The following TMEM232 variants were observed in gnomAD, a reference collection of about 807,000 sequenced individuals.
The protein encoded by TMEM232 is transmembrane protein 232.
A neutral mutation model predicts 78.8 loss-of-function variants in TMEM232; 80 were observed. The observed-to-expected ratio is 1.01, with a 90% CI of 0.85 to 1.22. The LOEUF (loss-of-function observed/expected upper bound fraction) is 1.22, where lower values mean the gene tolerates loss of function less well. TMEM232 is among the 50% of genes most tolerant of loss of function. The probability of loss-of-function intolerance (pLI) is 0.00; values close to 1 mark genes in which losing one functional copy is unlikely to be tolerated. For synonymous variants in TMEM232, 297 were observed against 254.3 expected, an observed-to-expected ratio of 1.17 and a Z score of -1.60; for missense variants, 881 against 742.2, an observed-to-expected ratio of 1.19 and a Z score of -2.17.
chr5:110,705,521 T>C (rs1288559788), intron 1 of TMEM232, among the ~76,000 whole-genome samples: 2 of 151,996 alleles, frequency 1.3e-5, no homozygotes, highest in Non-Finnish European at 1.5e-5. Context: ...GGAAAAGGCA[T>C]GTGTCCAAAC....
chr5:110,575,975 T>C (rs1189822941), intron 10 of TMEM232, among the ~76,000 whole-genome samples: 1 of 151,908 alleles, frequency 6.6e-6, no homozygotes, highest in East Asian at 1.9e-4. Flanking sequence ...GGAGGTTAGG[T>C]CCCTGTACAT....
intron 11 of TMEM232, among the ~76,000 whole-genome samples, chr5:110,537,502 C>T (rs961057781): frequency 1.3e-5 from 2 of 152,102 alleles, no homozygotes; most frequent in East Asian, 1.9e-4. Context: ...AACCAGCCCC[C>T]CAAGGGAAAG....
chr5:110,498,971 A>C (rs1765915039), intron 12 of TMEM232, among the ~76,000 whole-genome samples: 1 of 152,192 alleles, frequency 6.6e-6, no homozygotes, highest in South Asian at 2.1e-4. Context: ...ATGTTCTTAC[A>C]TATGATATGA....
intron 10 of TMEM232, among the ~76,000 whole-genome samples, chr5:110,584,258 T>C (rs551295756): frequency 6.6e-6 from 1 of 151,890 alleles, no homozygotes; most frequent in African/African-American, 2.4e-5. Context: ...TAAATGTCTG[T>C]TGACAGATGA....
At chr5:110,505,459 C>T (rs983161306) in intron 12 of TMEM232, among the ~76,000 whole-genome samples, 5 of 152,126 alleles carry the variant, frequency 3.3e-5, no homozygotes, top group Non-Finnish European at 1.5e-5. Context: ...GAAGAAAAAT[C>T]GTTCTAAAGT....
At chr5:110,438,719 G>A (rs995447250) in intron 12 of TMEM232, among the ~76,000 whole-genome samples, 3 of 152,144 alleles carry the variant, frequency 2.0e-5, no homozygotes, top group Middle Eastern at 3.4e-3. Flanking sequence ...TATGTCGTCA[G>A]TTCCTCCCCT....
At chr5:110,710,865 T>C (rs1482270920) in intron 1 of TMEM232, among the ~76,000 whole-genome samples, 2 of 152,156 alleles carry the variant, frequency 1.3e-5, no homozygotes, top group South Asian at 4.1e-4. Flanking sequence ...ATGACAAGGA[T>C]GCCCACTTTC....
chr5:110,693,544 T>C (rs1009695067), intron 1 of TMEM232, among the ~76,000 whole-genome samples: 1 of 152,058 alleles, frequency 6.6e-6, no homozygotes, highest in Non-Finnish European at 1.5e-5. Context: ...GCAAAGAAGT[T>C]AAAAACCCTG....
chr5:110,553,165 A>C (rs1166974030), intron 11 of TMEM232, among the ~76,000 whole-genome samples: 1 of 152,138 alleles, frequency 6.6e-6, no homozygotes, highest in African/African-American at 2.4e-5. Context: ...GTAGTTGGGT[A>C]GTGTAATCCC....
rs140299843 is a variant in TMEM232 at position 110,699,403 on chromosome 5, T to A, written c.-13+27224A>T. On this transcript the variant is annotated intron_variant, in intron 1 of 13. Coordinates refer to ENST00000455884, the MANE Select transcript of TMEM232 (RefSeq NM_001039763.4). The stretch of plus-strand genomic sequence containing the variant: ...CTGGATTTATGACTAAAAATTATAA[T>A]GCTTCTTGTAAATTTTTGACTCATT... Among the ~76,000 whole-genome samples, 465 of 152,206 alleles carry A rather than the reference T, an allele frequency of 3.1e-3. 3 individuals are homozygous for A. Among genetic ancestry groups the A allele is most frequent in the African/African-American group, 0.011 (450 of 41,554 alleles).
At chr5:110,501,700 T>C (rs1351767542) in intron 12 of TMEM232, among the ~76,000 whole-genome samples, 1 of 151,548 alleles carries the variant, frequency 6.6e-6, no homozygotes, top group Non-Finnish European at 1.5e-5. Flanking sequence ...GTTGGGTTAA[T>C]AGCTTTTGGG....
At chr5:110,508,802 A>C (rs1419245924) in intron 12 of TMEM232, among the ~76,000 whole-genome samples, 1 of 148,184 alleles carries the variant, frequency 6.7e-6, no homozygotes, top group Non-Finnish European at 1.5e-5. Context: ...TTATTGGATA[A>C]ACTGATTGAG....
chr5:110,478,897 ATTTT>A (rs746104997), intron 12 of TMEM232, among the ~76,000 whole-genome samples: 9,880 of 111,724 alleles, frequency 0.088, 331 homozygotes, highest in South Asian at 0.21. Context: ...GGAGAAATTG[ATTTT>A]TTTTTTTTTT....
chr5:110,625,107 T>C (rs1240502934), intron 7 of TMEM232, among the ~76,000 whole-genome samples, 160 bp downstream of exon 7: 1 of 152,014 alleles, frequency 6.6e-6, no homozygotes, highest in Non-Finnish European at 1.5e-5. Context: ...ACTGTGCATA[T>C]GGTTGCATGA....
chr5:110,722,554 C>T (rs1797752269), intron 1 of TMEM232, among the ~76,000 whole-genome samples: 1 of 152,194 alleles, frequency 6.6e-6, no homozygotes, highest in African/African-American at 2.4e-5. Context: ...CTCAGAGCTT[C>T]CTGTGTGCTC....
intron 11 of TMEM232, among the ~76,000 whole-genome samples, chr5:110,552,003 T>C (rs1018252086): frequency 1.3e-5 from 2 of 152,034 alleles, no homozygotes; most frequent in African/African-American, 2.4e-5. Context: ...GTTCATCACA[T>C]AGAAGGAAAT....
At chr5:110,711,675 AC>A (rs1303960802) in intron 1 of TMEM232, among the ~76,000 whole-genome samples, 3 of 152,222 alleles carry the variant, frequency 2.0e-5, no homozygotes, top group Non-Finnish European at 4.4e-5. Flanking sequence ...CCAAGAATAT[AC>A]ACTGGGTAAA....
chr5:110,530,928 G>A (rs538115337), intron 11 of TMEM232, among the ~76,000 whole-genome samples: 158 of 152,254 alleles, frequency 1.0e-3, no homozygotes, highest in South Asian at 1.9e-3. Flanking sequence ...ATTTCACAAT[G>A]TATGTATTGT....
rs1435412617 is a variant in TMEM232, at chr5:110,559,004, AT to A, written c.1455+9442del. 3.3e-5 allele frequency among the ~76,000 whole-genome samples: 5 copies of A among 152,060 alleles called. No individual in the cohort carries two copies. In the East Asian group the frequency reaches 9.7e-4, roughly 30 times the overall value. ...GCATTCTTCCTCTGTCCACTCTTAG[AT>A]TTTCCAGGGATCTGCTCAGAGTATG... On this transcript the variant is annotated intron_variant, in intron 11 of 13. Coordinates refer to ENST00000455884, the MANE Select transcript of TMEM232 (RefSeq NM_001039763.4).
Sources: allele counts gnomAD v4.1 joint callset (sites outside exome capture counted in the v4.1 genomes callset), GRCh38; gene constraint gnomAD v4.1.1; transcripts MANE v1.5; gene names NCBI Gene and HGNC (gene_info 2026-07-23, HGNC 2026-07-21).